The following MAGI1 variants were observed in gnomAD, a reference collection of about 807,000 sequenced individuals.
The protein encoded by MAGI1 is membrane-associated guanylate kinase, WW and PDZ domain-containing protein 1.
Under a neutral mutation model 139.9 loss-of-function variants are expected in MAGI1, and 58 were observed. The observed-to-expected ratio is 0.41, with a 90% confidence interval of 0.34 to 0.52. The LOEUF (loss-of-function observed/expected upper bound fraction) is 0.52, where lower values mean the gene tolerates loss of function less well. Among genes scored for constraint, MAGI1 ranks in the 20% least tolerant of loss-of-function variants. MAGI1 has a pLI of 0.12. For missense variants in MAGI1, 1,874 were observed against 1,901.6 expected, an observed-to-expected ratio of 0.99 and a Z score of 0.27; for synonymous variants, 812 against 737.9, an observed-to-expected ratio of 1.10 and a Z score of -1.63.
At chr3:66,005,202 A>G (rs2066948229) in intron 1 of MAGI1, among the ~76,000 whole-genome samples, 1 of 152,138 alleles carries the variant, frequency 6.6e-6, no homozygotes, top group Admixed American at 6.5e-5. Flanking sequence ...AATCAATGTG[A>G]CCTACAGATC....
chr3:65,386,084 C>G (rs1043144511), intron 14 of MAGI1, among the ~76,000 whole-genome samples: 1 of 152,054 alleles, frequency 6.6e-6, no homozygotes, highest in African/African-American at 2.4e-5. Context: ...CAGCCCAGAC[C>G]CATTTTTCTC....
chr3:65,454,153 C>G (rs1949223869), intron 5 of MAGI1, among the ~76,000 whole-genome samples: 1 of 152,182 alleles, frequency 6.6e-6, no homozygotes, highest in African/African-American at 2.4e-5. Flanking sequence ...GGACAAAGTT[C>G]TGCTTGAGCC....
chr3:65,561,639 A>T (rs1167853301), intron 2 of MAGI1, among the ~76,000 whole-genome samples: 5 of 152,234 alleles, frequency 3.3e-5, no homozygotes, highest in Admixed American at 2.6e-4. Context: ...AGTTTTAGAA[A>T]TAATTTACAT....
intron 1 of MAGI1, among the ~76,000 whole-genome samples, chr3:65,637,031 T>C (rs532649760): frequency 3.3e-5 from 5 of 152,332 alleles, no homozygotes; most frequent in Admixed American, 3.3e-4. Context: ...TTTGTCACTG[T>C]GAATTTGTTC....
chr3:65,394,581 T>C (rs911203481), intron 13 of MAGI1, among the ~76,000 whole-genome samples: 29 of 152,200 alleles, frequency 1.9e-4, no homozygotes, highest in African/African-American at 7.0e-4. Flanking sequence ...AGTTCAATTA[T>C]GAAAACTCAT....
chr3:65,668,036 A>G (rs907654175), intron 1 of MAGI1, among the ~76,000 whole-genome samples: 1 of 152,172 alleles, frequency 6.6e-6, no homozygotes, highest in Admixed American at 6.5e-5. Context: ...CTGAGAGATA[A>G]TAGTATAATG....
chr3:65,578,947 CAG>C (rs1442209747), intron 2 of MAGI1, among the ~76,000 whole-genome samples: 35 of 127,554 alleles, frequency 2.7e-4, no homozygotes, highest in Non-Finnish European at 2.6e-4. Flanking sequence ...GAGAGAGAGA[CAG>C]AGAGAGAGAG....
intron 3 of MAGI1, among the ~76,000 whole-genome samples, chr3:65,493,077 CAAA>C (rs11412426): frequency 1.8e-5 from 2 of 110,242 alleles, no homozygotes; most frequent in Admixed American, 9.4e-5. Context: ...GACTCCGTCT[CAAA>C]AAAAAAAAAA....
chr3:65,856,568 G>C (rs573796403), intron 1 of MAGI1, among the ~76,000 whole-genome samples: 1 of 152,324 alleles, frequency 6.6e-6, no homozygotes, highest in African/African-American at 2.4e-5. Flanking sequence ...GGGTGACACA[G>C]ATGCTGCATG....
At chr3:65,516,893 A>G (rs532221984) in intron 2 of MAGI1, among the ~76,000 whole-genome samples, 1 of 81,444 alleles carries the variant, frequency 1.2e-5, no homozygotes, top group South Asian at 5.1e-4. Context: ...ACGCCCGGCT[A>G]ATTTTTTTGT....
At chr3:65,524,474 C>T (rs2078297573) in intron 2 of MAGI1, among the ~76,000 whole-genome samples, 2 of 152,168 alleles carry the variant, frequency 1.3e-5, no homozygotes, top group South Asian at 4.1e-4. Context: ...AAAAGTTAGA[C>T]ATGTAGGGTA....
In MAGI1 at chr3:65,636,725, TAC is replaced by T. The variant is rs774592349; in HGVS notation, c.314-14639_314-14638del. Reference sequence around the variant, plus strand: ...ACATACACACACACACACACACACATACACACACACACACATTAAGCCATTTA... The same window carrying T: ...ACATACACACACACACACACACACATACACACACACACATTAAGCCATTTA... On this transcript the variant is annotated intron_variant, in intron 1 of 22. Transcript: ENST00000402939. Among the ~76,000 whole-genome samples the T allele has an allele frequency of 1.3e-4, 16 of 123,724 alleles. 1 individual carries two copies. Among genetic ancestry groups the T allele is most frequent in the East Asian group, 1.2e-3 (6 of 5,090 alleles). 81.2% of individuals were successfully genotyped at this position (123,724 alleles called of 152,430 possible). A position where few individuals can be genotyped will look rare whatever the true frequency, so the allele number is the denominator to read the frequency against.
chr3:66,003,419 G>T (rs145409910), intron 1 of MAGI1, among the ~76,000 whole-genome samples: 1 of 152,118 alleles, frequency 6.6e-6, no homozygotes, highest in East Asian at 2.0e-4. Flanking sequence ...ACTTTGGGAG[G>T]CCAAGGTGGG....
chr3:65,719,073 A>C (rs2032657541), intron 1 of MAGI1, among the ~76,000 whole-genome samples: 1 of 151,900 alleles, frequency 6.6e-6, no homozygotes, highest in African/African-American at 2.4e-5. Context: ...TGAATACTAA[A>C]AACAATAAAA....
chr3:65,527,795 A>G (rs2078456540), intron 2 of MAGI1, among the ~76,000 whole-genome samples: 1 of 151,942 alleles, frequency 6.6e-6, no homozygotes, highest in Non-Finnish European at 1.5e-5. Context: ...CATGCCTGCA[A>G]TCCCAACTAC....
At chr3:65,846,251 A>G (rs1170901986) in intron 1 of MAGI1, among the ~76,000 whole-genome samples, 1 of 152,222 alleles carries the variant, frequency 6.6e-6, no homozygotes, top group Non-Finnish European at 1.5e-5. Context: ...AATGACTCCT[A>G]AAGTTGGCTA....
intron 22 of MAGI1, chr3:65,359,098 G>A: frequency 1.2e-6 from 2 of 1,614,088 alleles, no homozygotes; most frequent in Non-Finnish European, 1.7e-6. Context: ...GTAGAAGCAA[G>A]CCTCCCCGAG....
chr3:66,008,705 G>C (rs1448420233), intron 1 of MAGI1: 4 of 152,100 alleles, frequency 2.6e-5, no homozygotes, highest in Non-Finnish European at 4.4e-5. Flanking sequence ...AAGAGTATGG[G>C]GGGGCAGGGA....
intron 1 of MAGI1, among the ~76,000 whole-genome samples, chr3:65,809,233 C>A (rs2041063784): frequency 6.6e-6 from 1 of 152,164 alleles, no homozygotes; most frequent in Non-Finnish European, 1.5e-5. Flanking sequence ...GGGATAACTG[C>A]CCACGGTGGG....
Sources: gnomAD v4.1 joint callset for allele counts (sites outside exome capture counted in the v4.1 genomes callset) on GRCh38, gnomAD v4.1.1 for gene constraint, MANE v1.5 for transcripts, NCBI Gene and HGNC (gene_info 2026-07-23, HGNC 2026-07-21) for gene names.